NTM: variants seen among roughly 807,000 people sequenced by gnomAD.
The protein encoded by NTM is IgLON family member 2.
In NTM, 13 loss-of-function variants were observed where a neutral mutation model predicts 42.1. That is an observed-to-expected ratio of 0.31 (90% CI 0.20 to 0.49). NTM has a LOEUF of 0.49. NTM is among the 20% of genes least tolerant of loss of function. The pLI is 0.99. For synonymous variants in NTM, 187 were observed against 179.2 expected (o/e 1.04, Z -0.35); for missense variants, 373 against 452.8 (o/e 0.82, Z 1.60).
chr11:131,819,290 A>G (rs1402114402), intron 1 of NTM, among the ~76,000 whole-genome samples: 1 of 152,152 alleles, frequency 6.6e-6, no homozygotes, highest in Non-Finnish European at 1.5e-5. Flanking sequence ...CACACTACAG[A>G]AGCCTGAGCT....
intron 2 of NTM, among the ~76,000 whole-genome samples, chr11:132,115,514 G>A (rs2063758002): frequency 1.3e-5 from 2 of 152,160 alleles, no homozygotes; most frequent in African/African-American, 4.8e-5. Flanking sequence ...CAAAGGAAAG[G>A]TAGACATAGG....
intron 1 of NTM, among the ~76,000 whole-genome samples, chr11:131,835,558 A>C (rs972048471): frequency 1.2e-4 from 18 of 152,182 alleles, no homozygotes; most frequent in Non-Finnish European, 2.4e-4. Context: ...TATCCATCAG[A>C]ATGGGTAACA....
At chr11:131,992,233 T>C (rs1478519990) in intron 2 of NTM, among the ~76,000 whole-genome samples, 1 of 152,224 alleles carries the variant, frequency 6.6e-6, no homozygotes, top group African/African-American at 2.4e-5. Context: ...GTAAATCTAC[T>C]TTTTTCTATG....
At chr11:131,473,893 C>G (rs533547393) in intron 1 of NTM, among the ~76,000 whole-genome samples, 2 of 152,274 alleles carry the variant, frequency 1.3e-5, no homozygotes, top group East Asian at 3.9e-4. Flanking sequence ...TTTTGACTAC[C>G]TTTTCTTGAT....
chr11:132,315,886 C>G (rs1164719884), intron 7 of NTM, among the ~76,000 whole-genome samples: 1 of 152,200 alleles, frequency 6.6e-6, no homozygotes, highest in Non-Finnish European at 1.5e-5. Context: ...ATTGATGTGT[C>G]TGGCATCTCT....
intron 2 of NTM, among the ~76,000 whole-genome samples, chr11:131,951,575 C>T (rs925131686): frequency 6.6e-6 from 1 of 152,068 alleles, no homozygotes; most frequent in Non-Finnish European, 1.5e-5. Flanking sequence ...GAAAGTCCAG[C>T]TTCTTTGGAA....
intron 7 of NTM, among the ~76,000 whole-genome samples, chr11:132,321,198 G>C (rs906450481): frequency 6.6e-6 from 1 of 152,366 alleles, no homozygotes; most frequent in East Asian, 1.9e-4. Context: ...CGAGCTGAGA[G>C]AAGACAGCTT....
intron 2 of NTM, among the ~76,000 whole-genome samples, chr11:132,044,616 T>C (rs1339869643): frequency 6.6e-6 from 1 of 152,060 alleles, no homozygotes; most frequent in Non-Finnish European, 1.5e-5. Flanking sequence ...ATTGCTATCA[T>C]GGGTGTGATA....
chr11:131,750,857 C>T (rs1370753038), intron 1 of NTM, among the ~76,000 whole-genome samples: 1 of 152,134 alleles, frequency 6.6e-6, no homozygotes, highest in Non-Finnish European at 1.5e-5. Flanking sequence ...CCTTGTGGAG[C>T]TCTGTGGTGT....
chr11:132,316,207 G>C (rs1464207314), intron 7 of NTM, among the ~76,000 whole-genome samples: 2 of 151,072 alleles, frequency 1.3e-5, no homozygotes, highest in African/African-American at 4.9e-5. Context: ...TACTTCCCCG[G>C]CTTCTTCTCC....
intron 1 of NTM, among the ~76,000 whole-genome samples, chr11:131,391,878 G>A (rs1189166259): frequency 6.6e-6 from 1 of 151,984 alleles, no homozygotes; most frequent in African/African-American, 2.4e-5. Flanking sequence ...GAGTGGAGGA[G>A]GAAAGAAGGC....
At chr11:131,975,306 A>G (rs1417293264) in intron 2 of NTM, among the ~76,000 whole-genome samples, 2 of 151,980 alleles carry the variant, frequency 1.3e-5, no homozygotes, top group South Asian at 2.1e-4. Context: ...TCAGCCTCCC[A>G]AGTAACAGGA....
At chr11:131,638,097 C>T (rs1039723197) in intron 1 of NTM, among the ~76,000 whole-genome samples, 3 of 152,136 alleles carry the variant, frequency 2.0e-5, no homozygotes, top group Non-Finnish European at 2.9e-5. Context: ...TGACAAATCC[C>T]AGTTCTTCTG....
intron 1 of NTM, among the ~76,000 whole-genome samples, chr11:131,449,592 A>G (rs1950329258): frequency 6.6e-6 from 1 of 152,204 alleles, no homozygotes; most frequent in East Asian, 1.9e-4. Context: ...AGCACCGGCC[A>G]GATCTGTGCT....
intron 1 of NTM, among the ~76,000 whole-genome samples, chr11:131,418,404 C>A (rs926950755): frequency 1.4e-4 from 21 of 151,710 alleles, no homozygotes; most frequent in African/African-American, 5.1e-4. Flanking sequence ...ATCTCTGTCG[C>A]CACATCTGTG....
At chr11:131,877,527 A>G (rs1383568474) in intron 1 of NTM, among the ~76,000 whole-genome samples, 4 of 152,040 alleles carry the variant, frequency 2.6e-5, no homozygotes, top group Non-Finnish European at 4.4e-5. Context: ...GCCCTTTTGT[A>G]TCTCCCCCAC....
At chr11:131,955,705 C>T (rs1014491005) in intron 2 of NTM, among the ~76,000 whole-genome samples, 4 of 152,024 alleles carry the variant, frequency 2.6e-5, no homozygotes, top group South Asian at 2.1e-4. Context: ...CCCAGTGCCC[C>T]GACCTCCCAC....
chr11:131,392,710 T>C (rs1054998107), intron 1 of NTM, among the ~76,000 whole-genome samples: 5 of 152,186 alleles, frequency 3.3e-5, no homozygotes, highest in African/African-American at 1.2e-4. Context: ...GTTCCTTTAA[T>C]GAAGAAGCTC....
At chr11:131,589,319 G>A (rs2137265838) in intron 1 of NTM, among the ~76,000 whole-genome samples, 1 of 152,000 alleles carries the variant, frequency 6.6e-6, no homozygotes, top group African/African-American at 2.4e-5. Context: ...CTCTTCCCTG[G>A]GACACACATT....
Sources: gnomAD v4.1 joint callset for allele counts (sites outside exome capture counted in the v4.1 genomes callset) on GRCh38, gnomAD v4.1.1 for gene constraint, MANE v1.5 for transcripts, NCBI Gene and HGNC (gene_info 2026-07-23, HGNC 2026-07-21) for gene names.